EMSY: variants seen among roughly 807,000 people sequenced by gnomAD.
The protein encoded by EMSY is EMSY transcriptional repressor, BRCA2 interacting.
Under a neutral mutation model 134.6 loss-of-function variants are expected in EMSY, and 26 were observed. The ratio of observed to expected loss-of-function variants is 0.19; its 90% CI spans 0.14 to 0.27. EMSY has a LOEUF of 0.27. Ranked by LOEUF, EMSY falls within the 10% of genes least tolerant of loss-of-function variation. EMSY has a pLI of 1.00. For missense variants in EMSY, 1,305 were observed against 1,611.4 expected, an observed-to-expected ratio of 0.81 and a Z score of 3.26; for synonymous variants, 579 against 577.8, an observed-to-expected ratio of 1.00 and a Z score of -0.03.
chr11:76,547,800 G>A (rs1951707233), intron 20 of EMSY, among the ~76,000 whole-genome samples: 1 of 152,216 alleles, frequency 6.6e-6, no homozygotes, highest in African/African-American at 2.4e-5. Flanking sequence ...ATAAACAGGA[G>A]TGAAAATGTA....
At chr11:76,551,461 C>T (rs1951833648) in exon 21 of EMSY, 1 of 152,700 alleles carries the variant, frequency 6.5e-6, no homozygotes, top group Non-Finnish European at 1.5e-5. Context: ...AAGTAGAATT[C>T]ATCAACGGTC....
intron 7 of EMSY, among the ~76,000 whole-genome samples, chr11:76,469,566 G>C (rs1181435628): frequency 6.6e-6 from 1 of 152,188 alleles, no homozygotes; most frequent in African/African-American, 2.4e-5. Flanking sequence ...TTATTAAGTA[G>C]TAGTAATAAG....
intron 1 of EMSY, 104 bp from the exon 2 acceptor site, chr11:76,446,796 C>T: frequency 1.6e-6 from 1 of 636,976 alleles, no homozygotes; most frequent in South Asian, 2.1e-5. Flanking sequence ...ATAGTAATAT[C>T]TTTTTGGTTT....
chr11:76,539,906 T>C (rs183443036), intron 17 of EMSY, among the ~76,000 whole-genome samples: 10 of 152,360 alleles, frequency 6.6e-5, no homozygotes, highest in Admixed American at 5.9e-4. Flanking sequence ...TCACTTCAGC[T>C]ATTTTCCAAG....
chr11:76,457,798 T>C (rs961984299), intron 4 of EMSY, among the ~76,000 whole-genome samples: 1 of 152,252 alleles, frequency 6.6e-6, no homozygotes. Context: ...TTTAAAATTA[T>C]AAGTGCTTTT....
exon 17 of EMSY, chr11:76,539,600 A>G: frequency 6.2e-7 from 1 of 1,613,834 alleles, no homozygotes; most frequent in South Asian, 1.1e-5. Flanking sequence ...TCCTTTCAGA[A>G]CGCACTGATG....
At chr11:76,474,414 T>A (rs1165766589) in intron 8 of EMSY, among the ~76,000 whole-genome samples, 1 of 152,180 alleles carries the variant, frequency 6.6e-6, no homozygotes, top group Non-Finnish European at 1.5e-5. Context: ...TTAAGACAGA[T>A]TGGGGCTTGG....
exon 20 of EMSY, chr11:76,546,159 G>C (rs763721400): frequency 3.1e-6 from 5 of 1,614,156 alleles, no homozygotes; most frequent in Middle Eastern, 1.6e-4. Flanking sequence ...AGTCCTGTTC[G>C]AGTCCATCCA....
At chr11:76,487,274 T>C (rs1949226150) in intron 8 of EMSY, among the ~76,000 whole-genome samples, 1 of 152,162 alleles carries the variant, frequency 6.6e-6, no homozygotes, top group Non-Finnish European at 1.5e-5. Context: ...AGTCTCCTGG[T>C]CTCTCATCTG....
intron 12 of EMSY, among the ~76,000 whole-genome samples, chr11:76,524,805 C>T (rs138920973): frequency 2.0e-5 from 3 of 152,366 alleles, no homozygotes; most frequent in Admixed American, 1.3e-4. Flanking sequence ...AGGTGGATCA[C>T]TTGAGCCCAA....
Position 76,526,455 on chromosome 11 carries a change from A to T in EMSY, c.1822-7A>T. 1 of 1,588,084 alleles carries T rather than the reference A, an allele frequency of 6.3e-7. No homozygotes were observed. The highest frequency in any genetic ancestry group is 8.6e-7 in the Non-Finnish European group (1 of 1,169,434). On this transcript the variant is annotated splice_region_variant and splice_polypyrimidine_tract_variant and intron_variant, in intron 12 of 20. Transcript: ENST00000334736. ...AATCTCTTATATAATCATTGACTTC[A>T]ATTTAGGGAGAAAAGACTATTCAGA...
At chr11:76,466,405 G>T (rs1450904381) in intron 7 of EMSY, among the ~76,000 whole-genome samples, 1 of 151,802 alleles carries the variant, frequency 6.6e-6, no homozygotes, top group African/African-American at 2.4e-5. Context: ...ATTCTTATTT[G>T]TCTGTTTTTC....
chr11:76,503,725 A>C (rs151225518), intron 9 of EMSY, among the ~76,000 whole-genome samples: 2 of 152,342 alleles, frequency 1.3e-5, no homozygotes, highest in African/African-American at 2.4e-5. Flanking sequence ...ATAACAATGA[A>C]AGCATGAGCA....
chr11:76,514,268 T>A (rs1950373622), intron 10 of EMSY, among the ~76,000 whole-genome samples: 1 of 152,200 alleles, frequency 6.6e-6, no homozygotes, highest in Non-Finnish European at 1.5e-5. Flanking sequence ...GGCATAGTGC[T>A]CAATAGTTGT....
rs1452185284 is a variant in EMSY at position 76,526,651 on chromosome 11, T to C, written c.1995+16T>C. The C allele has an allele frequency of 3.2e-6, 5 of 1,573,360 alleles. No homozygotes were observed. The highest frequency in any genetic ancestry group is 1.8e-5 in the Admixed American group (1 of 54,102). ...GAAAACGCAGGTATGCTATAAGATATGATGATTTTTCTTGGCTCTTAAATA... is the reference window on the plus strand; with the variant it reads ...GAAAACGCAGGTATGCTATAAGATACGATGATTTTTCTTGGCTCTTAAATA... On this transcript the variant is annotated intron_variant, in intron 13 of 20. Transcript: ENST00000334736.
intron 7 of EMSY, among the ~76,000 whole-genome samples, chr11:76,471,003 C>T (rs550695752): frequency 6.6e-6 from 1 of 152,114 alleles, no homozygotes; most frequent in Non-Finnish European, 1.5e-5. Flanking sequence ...CTCTTTTTCT[C>T]CATTCTTCAT....
chr11:76,515,944 T>A (rs539774229), intron 10 of EMSY, among the ~76,000 whole-genome samples, 198 bp from the exon 12 acceptor site: 2 of 152,322 alleles, frequency 1.3e-5, no homozygotes, highest in African/African-American at 4.8e-5. Flanking sequence ...TAAAATTAAT[T>A]TAAATTGACT....
intron 5 of EMSY, chr11:76,459,145 C>T (rs1948000543): frequency 1.3e-5 from 2 of 152,176 alleles, no homozygotes; most frequent in Non-Finnish European, 1.5e-5. Context: ...CATCTACTGA[C>T]GCTCAGGTAG....
At chr11:76,521,787 C>T (rs61894543) in intron 11 of EMSY, among the ~76,000 whole-genome samples, 40,422 of 149,936 alleles carry the variant, frequency 0.27, 5,743 homozygotes, top group Non-Finnish European at 0.32. Flanking sequence ...AAAAAAAGTC[C>T]AGGCACAGTG....
Sources: allele counts gnomAD v4.1 joint callset (sites outside exome capture counted in the v4.1 genomes callset), GRCh38; gene constraint gnomAD v4.1.1; transcripts MANE v1.5; gene names NCBI Gene and HGNC (gene_info 2026-07-23, HGNC 2026-07-21).